The following BTBD16 variants were observed in gnomAD, a reference collection of about 807,000 sequenced individuals.
BTBD16 encodes the protein BTB/POZ domain-containing protein 16.
BTBD16 carries 66 observed loss-of-function variants against 67.4 expected under a neutral mutation model. That is an observed-to-expected ratio of 0.98 (90% CI 0.80 to 1.20). BTBD16 has a LOEUF of 1.20. BTBD16 is among the 50% of genes most tolerant of loss of function. The pLI is 0.00. For synonymous variants in BTBD16, 242 were observed against 236.4 expected, an observed-to-expected ratio of 1.02 and a Z score of -0.22; for missense variants, 634 against 616.0, an observed-to-expected ratio of 1.03 and a Z score of -0.31.
intron 1 of BTBD16, among the ~76,000 whole-genome samples, chr10:122,274,375 TCCTGGTGCGTGCCAC>T (rs1350408547): frequency 2.0e-5 from 3 of 152,210 alleles, no homozygotes; most frequent in Non-Finnish European, 4.4e-5. Flanking sequence ...AGCCACCAAC[TCCTGGTGCGTGCCAC>T]CCAGGTCCCT....
Position 122,285,451 on chromosome 10 carries a change from T to C in BTBD16, c.242-654T>C, listed in dbSNP as rs540967874. 5.9e-5 allele frequency among the ~76,000 whole-genome samples: 9 copies of C among 152,292 alleles called. No individual in the cohort carries two copies. The South Asian group carries it at 1.9e-3, about 32-fold the overall frequency. ...AAAGAGGGTCATGAGAATCCTACCC[T>C]CGTTGGTGGGCCTGCTATTGCCTTT... On this transcript the variant is annotated intron_variant, in intron 4 of 15. Coordinates refer to ENST00000260723, the MANE Select transcript of BTBD16 (RefSeq NM_144587.5).
At chr10:122,307,507 G>A (rs1044460378) in intron 10 of BTBD16, among the ~76,000 whole-genome samples, 199 bp downstream of exon 10, 1 of 152,038 alleles carries the variant, frequency 6.6e-6, no homozygotes, top group Non-Finnish European at 1.5e-5. Flanking sequence ...CAACATGTAG[G>A]TGTTGTACTA....
intron 2 of BTBD16, among the ~76,000 whole-genome samples, chr10:122,276,367 T>C (rs2096340530): frequency 6.6e-6 from 1 of 152,228 alleles, no homozygotes; most frequent in South Asian, 2.1e-4. Context: ...CAATTTTATG[T>C]TTTGTATATT....
rs186423730 is a variant in BTBD16 at position 122,334,431 on chromosome 10, G to A, written c.1165-450G>A. 1.2e-4 allele frequency among the ~76,000 whole-genome samples: 17 copies of A among 144,748 alleles called. No homozygotes were observed. The East Asian group carries it at 3.3e-3, about 28-fold the overall frequency. 95.0% of individuals were successfully genotyped at this position (144,748 alleles called of 152,430 possible). On this transcript the variant is annotated intron_variant, in intron 13 of 15. Coordinates refer to ENST00000260723, the MANE Select transcript of BTBD16 (RefSeq NM_144587.5). ...AGGATGGTCTTGATCTTCTGACCTC[G>A]TGATCGGCCCGCCTCAGCCTCCCAA... is the stretch of plus-strand genomic sequence containing the variant.
chr10:122,330,069 C>T (rs1590098509), intron 11 of BTBD16, among the ~76,000 whole-genome samples: 1 of 152,262 alleles, frequency 6.6e-6, no homozygotes, highest in East Asian at 1.9e-4. Context: ...TCTGAAAGGA[C>T]CTCTGAGAAC....
chr10:122,323,909 A>G (rs541253729), intron 10 of BTBD16, among the ~76,000 whole-genome samples: 102 of 152,224 alleles, frequency 6.7e-4, no homozygotes, highest in Non-Finnish European at 1.2e-3. Context: ...AGGGCAAATC[A>G]TAACAGACAT....
At chr10:122,291,021 G>GGGT in intron 6 of BTBD16, 59 bp from the exon 7 acceptor site, 2 of 1,491,340 alleles carry the variant, frequency 1.3e-6, no homozygotes, top group Non-Finnish European at 1.8e-6. Flanking sequence ...GGAGGGCGCT[G>GGGT]GGTGGTGTCC....
At chr10:122,314,882 A>G (rs2096421075) in intron 10 of BTBD16, among the ~76,000 whole-genome samples, 1 of 152,200 alleles carries the variant, frequency 6.6e-6, no homozygotes, top group Admixed American at 6.5e-5. Context: ...ACTCTCCAGT[A>G]TCATGTTGAG....
At chr10:122,285,355 A>T (rs2096361635) in intron 4 of BTBD16, among the ~76,000 whole-genome samples, 3 of 151,998 alleles carry the variant, frequency 2.0e-5, no homozygotes, top group African/African-American at 4.8e-5. Flanking sequence ...GTGATCACTG[A>T]TTTTATCCTC....
At chr10:122,280,391 A>C (rs1298325536) in intron 3 of BTBD16, among the ~76,000 whole-genome samples, 2 of 151,858 alleles carry the variant, frequency 1.3e-5, no homozygotes, top group Non-Finnish European at 2.9e-5. Flanking sequence ...ACCCCCACGA[A>C]GGCTCAGGGG....
At chr10:122,332,391 T>G in intron 12 of BTBD16, 45 bp from the exon 13 acceptor site, 1 of 1,594,926 alleles carries the variant, frequency 6.3e-7, no homozygotes, top group Non-Finnish European at 8.6e-7. Flanking sequence ...GGCGCTCGTG[T>G]CCAGAGGATC....
chr10:122,336,635 C>G lies in BTBD16; in HGVS notation c.1405C>G (p.Gln469Glu), dbSNP rs772866024. 1 of 1,607,018 alleles carries G rather than the reference C, an allele frequency of 6.2e-7. No individual in the cohort carries two copies. The highest frequency in any genetic ancestry group is 8.5e-7 in the Non-Finnish European group (1 of 1,178,288). ...CAAGTGGCAGGAGTTCAGGACAAAC[C>G]AGATCAAGCAGAAGTTTGGGTTGAC... ...DGKWQEFRTNQIKQKFGLTTS... is the reference protein window; with the variant it reads ...DGKWQEFRTNEIKQKFGLTTS... The change falls in exon 15 of 16, where the codon CAG (glutamine) becomes GAG (glutamate). Residue 469 changes from glutamine (Q) to glutamate (E), a missense_variant. By Grantham distance (29) the Gln-to-Glu change is conservative (BLOSUM62 2). Transcript: ENST00000260723.
At chr10:122,321,629 T>A (rs1462477417) in intron 10 of BTBD16, among the ~76,000 whole-genome samples, 1 of 152,268 alleles carries the variant, frequency 6.6e-6, no homozygotes, top group African/African-American at 2.4e-5. Context: ...CATTTTTGCA[T>A]ATGTTTGTTG....
intron 4 of BTBD16, among the ~76,000 whole-genome samples, chr10:122,284,894 G>A (rs2096360606): frequency 6.6e-6 from 1 of 152,070 alleles, no homozygotes; most frequent in Non-Finnish European, 1.5e-5. Context: ...AGTGGAAATT[G>A]ACATCCAGTG....
At position 122,307,217 on chromosome 10, in the gene BTBD16, CT is replaced by C; in HGVS notation, c.821del (p.Leu274ArgfsTer12). On this transcript the variant is annotated frameshift_variant, in exon 10 of 16. Coordinates refer to ENST00000260723, the MANE Select transcript of BTBD16 (RefSeq NM_144587.5). LOFTEE classifies it high-confidence loss of function. ...ATTTACCTTTAGTGAATTCCATCTT[CT>C]GAAAACAATGCTTTTGTGGGTCTTC... ...RLFTFSEFHLLKTMLLWVFLQ... is the reference protein window; with the variant it reads ...RLFTFSEFHLXKTMLLWVFLQ... The C allele has an allele frequency of 6.2e-7, 1 of 1,608,620 alleles. No homozygotes were observed. Among genetic ancestry groups the C allele is most frequent in the East Asian group, 2.2e-5 (1 of 44,658 alleles).
chr10:122,334,673 ATTTT>A (rs66947410), intron 13 of BTBD16, among the ~76,000 whole-genome samples: 1 of 115,214 alleles, frequency 8.7e-6, no homozygotes, highest in Non-Finnish European at 1.7e-5. Flanking sequence ...CGCCTGGCTA[ATTTT>A]TTTTTTTTTT....
intron 10 of BTBD16, among the ~76,000 whole-genome samples, chr10:122,326,884 C>T (rs1010884139): frequency 3.3e-5 from 5 of 152,194 alleles, no homozygotes; most frequent in African/African-American, 1.2e-4. Context: ...ACAAACAGAG[C>T]GCAGTACCAG....
chr10:122,302,108 T>A (rs140606042), intron 9 of BTBD16, among the ~76,000 whole-genome samples: 12 of 152,290 alleles, frequency 7.9e-5, no homozygotes, highest in African/African-American at 2.9e-4. Context: ...TCACATGTGT[T>A]TGGAACAACG....
At chr10:122,286,369 C>T (rs2096363849) in intron 5 of BTBD16, 121 bp downstream of exon 5, 3 of 1,398,872 alleles carry the variant, frequency 2.1e-6, no homozygotes, top group Non-Finnish European at 2.8e-6. Context: ...AGTAAGGCTC[C>T]ACAGTGTTAT....
Sources: allele counts gnomAD v4.1 joint callset (sites outside exome capture counted in the v4.1 genomes callset), GRCh38; gene constraint gnomAD v4.1.1; transcripts MANE v1.5; gene names NCBI Gene and HGNC (gene_info 2026-07-23, HGNC 2026-07-21).